Variants in LSAMP observed in about 807,000 individuals in gnomAD.
LSAMP encodes the protein limbic system-associated membrane protein.
A neutral mutation model predicts 38.6 loss-of-function variants in LSAMP; 7 were observed. The ratio of observed to expected loss-of-function variants is 0.18; its 90% CI spans 0.10 to 0.34. The LOEUF is 0.34. Among genes scored for constraint, LSAMP ranks in the 10% least tolerant of loss-of-function variants. LSAMP has a pLI of 1.00. For missense variants in LSAMP, 313 were observed against 420.0 expected (o/e 0.75, Z 2.23); for synonymous variants, 154 against 166.8 (o/e 0.92, Z 0.59).
At chr3:116,184,117 T>C (rs189368303) in intron 1 of LSAMP, among the ~76,000 whole-genome samples, 111 of 151,990 alleles carry the variant, frequency 7.3e-4, no homozygotes, top group African/African-American at 2.5e-3. Flanking sequence ...CCAGGTCACA[T>C]GAAGGATTAG....
intron 3 of LSAMP, among the ~76,000 whole-genome samples, chr3:115,956,200 G>A (rs13317586): frequency 0.021 from 3,214 of 151,476 alleles, 107 homozygotes; most frequent in African/African-American, 0.071. Context: ...GACCAGAGAC[G>A]AAGACTTGGG....
intron 1 of LSAMP, among the ~76,000 whole-genome samples, chr3:116,441,350 C>T (rs999901603): frequency 2.6e-5 from 4 of 152,060 alleles, no homozygotes; most frequent in African/African-American, 4.8e-5. Flanking sequence ...TATCCAGATA[C>T]GCATGTGTAT....
intron 3 of LSAMP, among the ~76,000 whole-genome samples, chr3:115,924,338 C>A (rs1049602520): frequency 6.6e-6 from 1 of 152,096 alleles, no homozygotes; most frequent in African/African-American, 2.4e-5. Flanking sequence ...CCCTTTTCAT[C>A]GTCTCTTCTG....
rs559554150 is a variant in LSAMP at position 116,159,556 on chromosome 3, C to G, written c.156-73000G>C. 8.5e-5 allele frequency among the ~76,000 whole-genome samples: 13 copies of G among 152,176 alleles called. No individual in the cohort carries two copies. In the East Asian group the frequency reaches 2.1e-3, roughly 25 times the overall value. ...GTAAATAAAAACCACGAGATAATAT[C>G]TCACACCAGTCAGAATGGCTATTAT... On this transcript the variant is annotated intron_variant, in intron 1 of 6. Transcript: ENST00000490035.
chr3:116,261,584 C>A (rs1340502633), intron 1 of LSAMP, among the ~76,000 whole-genome samples: 1 of 152,060 alleles, frequency 6.6e-6, no homozygotes, highest in Non-Finnish European at 1.5e-5. Context: ...TGAAAGTTAT[C>A]TGTATTTTAA....
intron 2 of LSAMP, among the ~76,000 whole-genome samples, chr3:116,045,268 C>G (rs1026080330): frequency 7.2e-5 from 11 of 152,258 alleles, no homozygotes; most frequent in African/African-American, 2.4e-4. Context: ...ACTTTATTAT[C>G]TTTACCAATC....
At chr3:116,346,993 T>C (rs1224736206) in intron 1 of LSAMP, among the ~76,000 whole-genome samples, 1 of 152,210 alleles carries the variant, frequency 6.6e-6, no homozygotes, top group African/African-American at 2.4e-5. Flanking sequence ...TTTATTTATG[T>C]AATTTTGAAA....
At chr3:116,164,792 A>T (rs2107544702) in intron 1 of LSAMP, among the ~76,000 whole-genome samples, 1 of 134,634 alleles carries the variant, frequency 7.4e-6, no homozygotes, top group African/African-American at 2.8e-5. Flanking sequence ...CATCTAGCTT[A>T]GTAAGGCTGA....
chr3:116,222,709 T>C (rs2046301367), intron 1 of LSAMP, among the ~76,000 whole-genome samples: 2 of 148,116 alleles, frequency 1.4e-5, no homozygotes, highest in Non-Finnish European at 3.0e-5. Context: ...TTGCTCACCT[T>C]TCATCCTCTC....
intron 1 of LSAMP, among the ~76,000 whole-genome samples, chr3:116,196,168 CTT>C (rs1166111680): frequency 6.6e-6 from 1 of 152,094 alleles, no homozygotes; most frequent in Non-Finnish European, 1.5e-5. Context: ...ATGCGGAGGT[CTT>C]TAGCTAAATT....
intron 3 of LSAMP, among the ~76,000 whole-genome samples, chr3:115,959,832 G>A (rs952221707): frequency 6.6e-6 from 1 of 152,126 alleles, no homozygotes; most frequent in Non-Finnish European, 1.5e-5. Context: ...CTATTCCAAA[G>A]TTTGGATTTA....
chr3:115,841,761 A>G (rs1165677049), intron 6 of LSAMP, 84 bp downstream of exon 6: 26 of 1,486,262 alleles, frequency 1.7e-5, no homozygotes, highest in Non-Finnish European at 2.3e-5. Context: ...TGAACTTTTA[A>G]TAGCTAAGGG....
chr3:116,212,783 A>T (rs911409739), intron 1 of LSAMP, among the ~76,000 whole-genome samples: 5 of 152,156 alleles, frequency 3.3e-5, no homozygotes, highest in Admixed American at 1.3e-4. Context: ...GGTTACTTTC[A>T]TATGTACATA....
intron 1 of LSAMP, among the ~76,000 whole-genome samples, chr3:116,310,272 C>G (rs1354782486): frequency 6.6e-6 from 1 of 152,082 alleles, no homozygotes; most frequent in African/African-American, 2.4e-5. Flanking sequence ...ATATTATAAT[C>G]AAGGACAAGA....
At chr3:116,349,740 T>G (rs900403724) in intron 1 of LSAMP, among the ~76,000 whole-genome samples, 7 of 151,874 alleles carry the variant, frequency 4.6e-5, no homozygotes, top group Admixed American at 2.0e-4. Context: ...AATAAAGCAA[T>G]GTAGTCACAC....
intron 3 of LSAMP, among the ~76,000 whole-genome samples, chr3:115,965,215 C>G (rs1938759849): frequency 6.6e-6 from 1 of 151,850 alleles, no homozygotes; most frequent in Non-Finnish European, 1.5e-5. Context: ...TTCCCAGAAA[C>G]AGATATCTAC....
intron 6 of LSAMP, among the ~76,000 whole-genome samples, chr3:115,827,450 A>C (rs566958655): frequency 6.6e-6 from 1 of 151,948 alleles, no homozygotes; most frequent in South Asian, 2.1e-4. Flanking sequence ...GTGGGTGCTT[A>C]AGTCAGAATC....
chr3:116,100,541 T>C (rs562550384), intron 1 of LSAMP, among the ~76,000 whole-genome samples: 12 of 152,364 alleles, frequency 7.9e-5, no homozygotes, highest in African/African-American at 2.9e-4. Context: ...TCACTTCCAC[T>C]GCCTTTGTTC....
At chr3:116,295,368 G>A (rs1022070993) in intron 1 of LSAMP, among the ~76,000 whole-genome samples, 5 of 152,224 alleles carry the variant, frequency 3.3e-5, no homozygotes, top group Non-Finnish European at 7.4e-5. Flanking sequence ...GGTGACATTC[G>A]TGGATCCACA....
Sources: gnomAD v4.1 joint callset for allele counts (sites outside exome capture counted in the v4.1 genomes callset) on GRCh38, gnomAD v4.1.1 for gene constraint, MANE v1.5 for transcripts, NCBI Gene and HGNC (gene_info 2026-07-23, HGNC 2026-07-21) for gene names.